The following XNDC1N variants were observed in gnomAD, a reference collection of about 807,000 sequenced individuals.
The protein encoded by XNDC1N is XRCC1 N-terminal domain containing 1, N-terminal like.
At chr11:71,879,430 G>T in the XNDC1N span, among the ~76,000 whole-genome samples, 11 of 152,148 alleles carry the variant, frequency 7.2e-5, no homozygotes, top group Non-Finnish European at 2.9e-5. Context: ...ATTAAACTGT[G>T]GTTCATACCT....
At chr11:71,900,955 C>A in the XNDC1N span, among the ~76,000 whole-genome samples, 3 of 152,304 alleles carry the variant, frequency 2.0e-5, no homozygotes, top group Non-Finnish European at 4.4e-5. Context: ...CTCCCTGCAA[C>A]CAACCTGCCC....
chr11:71,906,322 C>T, the XNDC1N span, among the ~76,000 whole-genome samples: 5 of 152,096 alleles, frequency 3.3e-5, no homozygotes, highest in Admixed American at 1.3e-4. Flanking sequence ...ACCCCTGTGA[C>T]ATTAGGAGTA....
chr11:71,903,411 C>T, the XNDC1N span: 6 of 1,334,552 alleles, frequency 4.5e-6, no homozygotes, highest in African/African-American at 2.9e-5. Flanking sequence ...TCGGTTTCAC[C>T]TCCACACGGT....
At chr11:71,868,021 AC>A in the XNDC1N span, among the ~76,000 whole-genome samples, 1 of 152,014 alleles carries the variant, frequency 6.6e-6, no homozygotes, top group African/African-American at 2.4e-5. Context: ...GTTGAATTGA[AC>A]CCTTTACCAT....
At chr11:71,913,139 C>T in the XNDC1N span, among the ~76,000 whole-genome samples, 5 of 152,066 alleles carry the variant, frequency 3.3e-5, no homozygotes, top group Non-Finnish European at 5.9e-5. Context: ...CATCCTCTTT[C>T]GCTCTGGATA....
chr11:71,898,408 A>T, the XNDC1N span, among the ~76,000 whole-genome samples: 3 of 152,112 alleles, frequency 2.0e-5, no homozygotes, highest in African/African-American at 7.2e-5. Context: ...GGAGTTCGAG[A>T]ACAGCCTGGC....
At chr11:71,925,821 A>G in the XNDC1N span, 1 of 152,008 alleles carries the variant, frequency 6.6e-6, no homozygotes, top group Non-Finnish European at 1.5e-5. Context: ...CGGAGCTTGC[A>G]ATGAGCCGAG....
chr11:71,888,121 G>T, the XNDC1N span, among the ~76,000 whole-genome samples: 6 of 152,170 alleles, frequency 3.9e-5, no homozygotes, highest in South Asian at 1.2e-3. Flanking sequence ...CGGCAGTTGG[G>T]TGTGCCAAGG....
At chr11:71,890,679 T>G in the XNDC1N span, among the ~76,000 whole-genome samples, 1 of 152,032 alleles carries the variant, frequency 6.6e-6, no homozygotes, top group Non-Finnish European at 1.5e-5. Flanking sequence ...CACAGGGGGT[T>G]GTGAACAACC....
At chr11:71,925,131 G>C in the XNDC1N span, among the ~76,000 whole-genome samples, 2 of 151,868 alleles carry the variant, frequency 1.3e-5, no homozygotes, top group Non-Finnish European at 2.9e-5. Flanking sequence ...TGCTTAAACA[G>C]CTCAAGGTGA....
At chr11:71,874,968 A>G in the XNDC1N span, among the ~76,000 whole-genome samples, 5 of 152,302 alleles carry the variant, frequency 3.3e-5, no homozygotes, top group East Asian at 9.6e-4. Context: ...TACTCGCTCC[A>G]TATAAGTTAA....
chr11:71,919,609 T>TTTTTG, the XNDC1N span, among the ~76,000 whole-genome samples: 4 of 11,504 alleles, frequency 3.5e-4, no homozygotes, highest in African/African-American at 5.6e-4. Context: ...AGGTTGGTTT[T>TTTTTG]TTTTTTTGTT....
chr11:71,896,685 T>A, the XNDC1N span, among the ~76,000 whole-genome samples: 1 of 152,230 alleles, frequency 6.6e-6, no homozygotes, highest in Non-Finnish European at 1.5e-5. Context: ...TGCCTCCACC[T>A]CCCGAGTAGC....
the XNDC1N span, among the ~76,000 whole-genome samples, chr11:71,900,533 C>T: frequency 6.6e-6 from 1 of 152,142 alleles, no homozygotes; most frequent in South Asian, 2.1e-4. Context: ...TGCTGGGGGT[C>T]TCAGAAATCT....
the XNDC1N span, among the ~76,000 whole-genome samples, chr11:71,918,241 GAC>G: frequency 1.6e-4 from 25 of 152,122 alleles, no homozygotes; most frequent in Non-Finnish European, 3.1e-4. Flanking sequence ...GCATCCTCCT[GAC>G]ACAGATATTT....
At chr11:71,893,399 A>T in the XNDC1N span, 31 of 696,726 alleles carry the variant, frequency 4.4e-5, no homozygotes, top group Non-Finnish European at 8.0e-5. Context: ...TGCATCCAGC[A>T]TTAAGGGCTG....
At chr11:71,905,285 G>A in the XNDC1N span, among the ~76,000 whole-genome samples, 1 of 151,908 alleles carries the variant, frequency 6.6e-6, no homozygotes, top group Non-Finnish European at 1.5e-5. Flanking sequence ...GCTATCACAG[G>A]GTGTGATATT....
chr11:71,928,385 G>A, the XNDC1N span: 2 of 683,312 alleles, frequency 2.9e-6, no homozygotes, highest in Admixed American at 2.1e-5. Flanking sequence ...GGACCTCGAG[G>A]AGCCACCGTT....
At chr11:71,867,798 A>G in the XNDC1N span, among the ~76,000 whole-genome samples, 641 of 152,248 alleles carry the variant, frequency 4.2e-3, 6 homozygotes, top group African/African-American at 0.015. Context: ...GATGTCTTTT[A>G]GGTCCATTTG....
Sources: allele counts gnomAD v4.1 joint callset (sites outside exome capture counted in the v4.1 genomes callset), GRCh38; gene constraint gnomAD v4.1.1; transcripts MANE v1.5; gene names NCBI Gene and HGNC (gene_info 2026-07-23, HGNC 2026-07-21).